Variants in TIPIN observed in about 807,000 individuals in gnomAD.
TIPIN encodes the protein TIMELESS interacting protein.
In TIPIN, 29 loss-of-function variants were observed where a neutral mutation model predicts 35.6. That is an observed-to-expected ratio of 0.82 (90% CI 0.61 to 1.11). The LOEUF (loss-of-function observed/expected upper bound fraction) is 1.11. Among genes scored for constraint, TIPIN ranks in the 50% most tolerant of loss-of-function variants. The probability of loss-of-function intolerance (pLI) is 0.00; values close to 1 mark genes in which losing one functional copy is unlikely to be tolerated. For synonymous variants in TIPIN, 102 were observed against 121.5 expected (o/e 0.84, Z 1.06); for missense variants, 296 against 345.4 (o/e 0.86, Z 1.13).
At chr15:66,359,041 T>G (rs2093219500), upstream of TIPIN, among the ~76,000 whole-genome samples, 1 of 139,966 alleles carries the variant, frequency 7.1e-6, no homozygotes, top group African/African-American at 3.0e-5. Flanking sequence ...AGACTCTGTC[T>G]CAAAAAAAAA....
At chr15:66,349,569 T>A in intron 4 of TIPIN, 132 bp from the exon 5 acceptor site, 1 of 1,199,714 alleles carries the variant, frequency 8.3e-7, no homozygotes, top group Non-Finnish European at 1.1e-6. Flanking sequence ...GAAAAACTTA[T>A]AAAAGGAACT....
chr15:66,351,639 T>TCC, intron 3 of TIPIN, 39 bp from the exon 4 acceptor site: 2 of 1,377,096 alleles, frequency 1.5e-6, no homozygotes, highest in East Asian at 2.5e-5. Context: ...AAGTTTTATT[T>TCC]TCTTTTTTTT....
At chr15:66,363,472 T>C (rs1039667226) in intron 1 of TIPIN, among the ~76,000 whole-genome samples, 1 of 150,324 alleles carries the variant, frequency 6.7e-6, no homozygotes. Context: ...TGAAACCCCG[T>C]CTCTACTAAA....
upstream of TIPIN, among the ~76,000 whole-genome samples, chr15:66,360,741 C>T (rs1200486081): frequency 1.3e-5 from 2 of 151,868 alleles, no homozygotes; most frequent in Non-Finnish European, 2.9e-5. Flanking sequence ...CCAAGGTAGG[C>T]AGATCACCTG....
chr15:66,348,008 CT>C (rs543925918), intron 6 of TIPIN, among the ~76,000 whole-genome samples: 6 of 135,504 alleles, frequency 4.4e-5, no homozygotes, highest in African/African-American at 5.5e-5. Context: ...TTCTTTCTTT[CT>C]TTTTTTTTTT....
At position 66,385,093 on chromosome 15, in the gene TIPIN, A is replaced by G. The variant is rs192519246; in HGVS notation, c.-9+1514T>C. On this transcript the variant is annotated intron_variant, in intron 1 of 7. Transcript: ENST00000562124. ...TCATGCTTAATATATTTAGTGACTTAATCAACCATCCTGAATGCAACTAAC... is the reference window on the plus strand; with the variant it reads ...TCATGCTTAATATATTTAGTGACTTGATCAACCATCCTGAATGCAACTAAC... Among the ~76,000 whole-genome samples the G allele has an allele frequency of 2.3e-3, 353 of 152,306 alleles. 1 individual carries two copies. Among genetic ancestry groups the G allele is most frequent in the African/African-American group, 7.7e-3 (318 of 41,558 alleles).
Position 66,345,453 on chromosome 15 carries a change from G to A in TIPIN, c.475+3607C>T, listed in dbSNP as rs62627313. ...CGGGCACAGTGGCTCACTGGCTCAC[G>A]CCTGTAACTCTAGCACTTTGGGAGG... On this transcript the variant is annotated intron_variant, in intron 6 of 7. Coordinates refer to ENST00000261881, the MANE Select transcript of TIPIN (RefSeq NM_017858.3). 8.7e-3 allele frequency among the ~76,000 whole-genome samples: 1,323 copies of A among 152,150 alleles called. 15 individuals carry two copies. The highest frequency in any genetic ancestry group is 0.03 in the African/African-American group (1,242 of 41,528).
chr15:66,358,573 C>T (rs2093217425), upstream of TIPIN, among the ~76,000 whole-genome samples: 2 of 152,012 alleles, frequency 1.3e-5, no homozygotes. Context: ...ACCACCACAC[C>T]CAGCTAATTT....
intron 1 of TIPIN, among the ~76,000 whole-genome samples, chr15:66,366,559 C>T (rs1003908784): frequency 2.1e-5 from 3 of 141,144 alleles, no homozygotes; most frequent in Admixed American, 7.8e-5. Flanking sequence ...CGAGATTATC[C>T]TGGCTAACAC....
chr15:66,384,182 A>T (rs1379146421), intron 1 of TIPIN, among the ~76,000 whole-genome samples: 1 of 150,250 alleles, frequency 6.7e-6, no homozygotes, highest in Non-Finnish European at 1.5e-5. Context: ...ATTTTTTAGT[A>T]GAGATGGGGT....
chr15:66,376,636 GC>G (rs1399104753), intron 1 of TIPIN, among the ~76,000 whole-genome samples: 1 of 151,284 alleles, frequency 6.6e-6, no homozygotes, highest in African/African-American at 2.4e-5. Flanking sequence ...CATCATGTTG[GC>G]CAGGCTGTCT....
At chr15:66,379,738 A>G (rs958506180) in intron 1 of TIPIN, 59 of 1,607,960 alleles carry the variant, frequency 3.7e-5, no homozygotes, top group Admixed American at 8.4e-5. Flanking sequence ...TTACCCCACC[A>G]TTTGTCAACC....
chr15:66,348,588 TG>T, intron 6 of TIPIN, among the ~76,000 whole-genome samples: 1 of 150,618 alleles, frequency 6.6e-6, no homozygotes, highest in Non-Finnish European at 1.5e-5. Context: ...CTCAGGAGGC[TG>T]AGGCAGGAGA....
At chr15:66,378,684 T>C (rs2093306694) in intron 1 of TIPIN, among the ~76,000 whole-genome samples, 1 of 152,116 alleles carries the variant, frequency 6.6e-6, no homozygotes, top group African/African-American at 2.4e-5. Context: ...TGATCTTATC[T>C]AGCTTCTCTA....
Position 66,377,838 on chromosome 15 carries a change from G to A in TIPIN, c.-9+8769C>T, listed in dbSNP as rs913625955. Among the ~76,000 whole-genome samples the A allele has an allele frequency of 4.6e-5, 7 of 151,828 alleles. No homozygotes were observed. The East Asian group carries it at 5.8e-4, about 13-fold the overall frequency. ...ACTACAGGCACATGTCATTACACCC[G>A]ACTAATTTTTTCTTTTTTTTTTTCT... On this transcript the variant is annotated intron_variant, in intron 1 of 7. Coordinates refer to the TIPIN transcript ENST00000562124.
At chr15:66,348,353 C>T (rs1456507947) in intron 6 of TIPIN, 1 of 151,586 alleles carries the variant, frequency 6.6e-6, no homozygotes, top group Non-Finnish European at 1.5e-5. Flanking sequence ...TCCCTTTTCA[C>T]TATTGCATGT....
In TIPIN at chr15:66,337,132, A is replaced by C. The variant is rs1194279701; in HGVS notation, c.732T>G (p.Thr244=). The C allele has an allele frequency of 6.2e-7, 1 of 1,614,074 alleles. No homozygotes were observed. Among genetic ancestry groups the C allele is most frequent in the Admixed American group, 1.7e-5 (1 of 59,992 alleles). Residue 244 remains threonine (T), a synonymous_variant, in exon 8 of 8, where the codon ACT becomes ACG. Coordinates refer to ENST00000261881, the MANE Select transcript of TIPIN (RefSeq NM_017858.3). ...PRAHTVEEVN[T]DEDQKEESNG... ...TTGACTCCTCCTTTTGATCCTCATC[A>C]GTATTAACCTCTTCAACCGTGTGTG...
intron 1 of TIPIN, among the ~76,000 whole-genome samples, chr15:66,361,691 T>C (rs769008824): frequency 6.6e-6 from 1 of 152,176 alleles, no homozygotes. Flanking sequence ...ACAGACCGTG[T>C]CATTAAAACT....
At chr15:66,362,683 T>G (rs1482039913) in intron 1 of TIPIN, among the ~76,000 whole-genome samples, 1 of 152,164 alleles carries the variant, frequency 6.6e-6, no homozygotes, top group Non-Finnish European at 1.5e-5. Context: ...ATCAGGTCAC[T>G]GCACTCCAAC....
Sources: allele counts gnomAD v4.1 joint callset (sites outside exome capture counted in the v4.1 genomes callset), GRCh38; gene constraint gnomAD v4.1.1; transcripts MANE v1.5; gene names NCBI Gene and HGNC (gene_info 2026-07-23, HGNC 2026-07-21).